GSE1: variants seen among roughly 807,000 people sequenced by gnomAD.
GSE1 encodes genetic suppressor element 1.
Under a neutral mutation model 112.6 loss-of-function variants are expected in GSE1, and 32 were observed. The ratio of observed to expected loss-of-function variants is 0.28; its 90% CI spans 0.21 to 0.38. The LOEUF is 0.38. Ranked by LOEUF, GSE1 falls within the 10% of genes least tolerant of loss-of-function variation. The probability of loss-of-function intolerance (pLI) is 1.00; values close to 1 mark genes in which losing one functional copy is unlikely to be tolerated. For synonymous variants in GSE1, 1,115 were observed against 735.6 expected, an observed-to-expected ratio of 1.52 and a Z score of -8.35; for missense variants, 2,348 against 1,699.2, an observed-to-expected ratio of 1.38 and a Z score of -6.71.
intron 2 of GSE1, among the ~76,000 whole-genome samples, chr16:85,437,018 T>A (rs2049263291): frequency 6.6e-6 from 1 of 152,046 alleles, no homozygotes; most frequent in Admixed American, 6.5e-5. Context: ...CCTACTCCCC[T>A]CCCCAGCGAC....
chr16:85,175,752 C>T (rs2074449901), intron 1 of GSE1, among the ~76,000 whole-genome samples: 2 of 152,200 alleles, frequency 1.3e-5, no homozygotes, highest in African/African-American at 4.8e-5. Flanking sequence ...TTATGGAGTG[C>T]TTCCCACCCT....
chr16:85,609,694 G>A (rs192203541), upstream of GSE1, among the ~76,000 whole-genome samples: 104 of 151,770 alleles, frequency 6.9e-4, 1 homozygote, highest in East Asian at 0.018. Context: ...TCACTCTGTC[G>A]CCCAGGCTAG....
chr16:85,659,281 C>T (rs1280009774), intron 8 of GSE1: 2 of 152,282 alleles, frequency 1.3e-5, no homozygotes, highest in Non-Finnish European at 2.9e-5. Flanking sequence ...GCTGTGGCCT[C>T]TGCCTCTTTC....
chr16:85,554,775 T>G (rs1156360641), upstream of GSE1: 573 of 424,008 alleles, frequency 1.4e-3, 2 homozygotes, highest in African/African-American at 0.048. Context: ...CTGTCAGTCG[T>G]GGGGGGGGAG....
In GSE1 at chr16:85,654,978, C is replaced by A. The variant is rs372427431; in HGVS notation, c.784C>A (p.His262Asn). ...PSYLAPHPFP[H>N]PAFRMDDSYC... ...CTACCTGGCCCCACACCCCTTCCCC[C>A]ACCCGGCCTTCAGGTGAGGCATCCC... Residue 262 changes from histidine (H) to asparagine (N), a missense_variant, in exon 5 of 16, where the codon CAC becomes AAC. Transcript: ENST00000253458. The A allele has an allele frequency of 1.1e-4, 170 of 1,593,496 alleles. No homozygotes were observed. Among genetic ancestry groups the A allele is most frequent in the Non-Finnish European group, 1.4e-4 (158 of 1,170,288 alleles).
rs116050557 is a variant in GSE1 at position 85,268,755 on chromosome 16, G to A, written c.2284-88708G>A. Among the ~76,000 whole-genome samples the A allele has an allele frequency of 4.6e-3, 699 of 152,192 alleles. 5 individuals carry two copies. Among genetic ancestry groups the A allele is most frequent in the African/African-American group, 0.016 (658 of 41,536 alleles). Reference sequence around the variant, plus strand: ...TGTCCAGACACCCTCTGCCTTCCTCGGGGGGCATTGGTTCCCTCTGTGCCC... The same window carrying A: ...TGTCCAGACACCCTCTGCCTTCCTCAGGGGGCATTGGTTCCCTCTGTGCCC... On this transcript the variant is annotated intron_variant, in intron 1 of 2. Coordinates refer to the GSE1 transcript ENST00000637419.
chr16:85,231,370 A>G (rs1309630623), intron 1 of GSE1, among the ~76,000 whole-genome samples: 3 of 149,106 alleles, frequency 2.0e-5, no homozygotes, highest in Admixed American at 6.7e-5. Flanking sequence ...GGACAGAAGG[A>G]TAGATGGATG....
Position 85,661,478 on chromosome 16 carries a change from A to C in GSE1, c.1973A>C (p.Glu658Ala). ...CAGCCACCTCCGCCGCCACCACGAGAGGGAGGGAGCCTGGAGCACCAGCCC... is the reference window on the plus strand; with the variant it reads ...CAGCCACCTCCGCCGCCACCACGAGCGGGAGGGAGCCTGGAGCACCAGCCC... ...KYQPPPPPPR[E>A]GGSLEHQPFL... is the part of the protein sequence containing the mutation. Residue 658 changes from glutamate to alanine, a missense_variant, in exon 9 of 16, where the codon GAG (glutamate) becomes GCG (alanine). Glu to Ala is a moderately radical substitution (Grantham distance 107). Coordinates refer to ENST00000253458, the MANE Select transcript of GSE1 (RefSeq NM_014615.5). 1.2e-6 allele frequency: 2 copies of C among 1,611,476 alleles called. No individual in the cohort carries two copies. The highest frequency in any genetic ancestry group is 1.7e-6 in the Non-Finnish European group (2 of 1,179,342).
At chr16:85,465,832 G>A (rs1331538116) in intron 2 of GSE1, among the ~76,000 whole-genome samples, 3 of 152,210 alleles carry the variant, frequency 2.0e-5, no homozygotes, top group South Asian at 2.1e-4. Context: ...TGTAGTAGGT[G>A]CCCAATAAAT....
At chr16:85,306,934 G>T (rs1269279736) in intron 1 of GSE1, among the ~76,000 whole-genome samples, 1 of 152,240 alleles carries the variant, frequency 6.6e-6, no homozygotes, top group East Asian at 1.9e-4. Flanking sequence ...TATGCACTGG[G>T]GCACAAGCTC....
At chr16:85,444,188 G>T (rs2049451288) in intron 2 of GSE1, among the ~76,000 whole-genome samples, 1 of 152,094 alleles carries the variant, frequency 6.6e-6, no homozygotes, top group Non-Finnish European at 1.5e-5. Context: ...CTTTCACCAT[G>T]TCGGCCAGGA....
At chr16:85,616,723 C>T (rs1454640247) in intron 1 of GSE1, among the ~76,000 whole-genome samples, 1 of 151,914 alleles carries the variant, frequency 6.6e-6, no homozygotes, top group Non-Finnish European at 1.5e-5. Flanking sequence ...ATCTCGGTGG[C>T]CTCACCGAGT....
chr16:85,492,058 G>T (rs994321357), intron 2 of GSE1, among the ~76,000 whole-genome samples: 2 of 152,200 alleles, frequency 1.3e-5, no homozygotes, highest in Non-Finnish European at 1.5e-5. Flanking sequence ...GGGCAGCCAG[G>T]CCTGGAGAGC....
At chr16:85,525,387 C>A (rs1327823760) in intron 2 of GSE1, among the ~76,000 whole-genome samples, 1 of 152,178 alleles carries the variant, frequency 6.6e-6, no homozygotes, top group Non-Finnish European at 1.5e-5. Flanking sequence ...GAGCAGCTGT[C>A]GGCGTGGCTG....
chr16:85,670,871 C>G (rs745382302), intron 14 of GSE1, 124 bp from the exon 15 acceptor site: 6 of 653,484 alleles, frequency 9.2e-6, no homozygotes, highest in Non-Finnish European at 1.7e-5. Context: ...ACAGGAGAGG[C>G]CTTCGCTGGC....
intron 2 of GSE1, among the ~76,000 whole-genome samples, chr16:85,522,462 C>T (rs2052219667): frequency 6.6e-6 from 1 of 151,990 alleles, no homozygotes; most frequent in South Asian, 2.1e-4. Flanking sequence ...CCTTCCTGCC[C>T]GCCTCATCCA....
intron 2 of GSE1, among the ~76,000 whole-genome samples, chr16:85,387,207 G>C (rs2047706739): frequency 6.6e-6 from 1 of 152,132 alleles, no homozygotes; most frequent in South Asian, 2.1e-4. Context: ...GAGGGTGGTG[G>C]GAGCCCCCTG....
intron 1 of GSE1, among the ~76,000 whole-genome samples, chr16:85,339,767 G>T (rs956463691): frequency 6.6e-6 from 1 of 152,114 alleles, no homozygotes; most frequent in African/African-American, 2.4e-5. Flanking sequence ...TTATGCCAGG[G>T]GACGGCGTCT....
chr16:85,498,652 C>T (rs1289162929), intron 2 of GSE1, among the ~76,000 whole-genome samples: 4 of 152,240 alleles, frequency 2.6e-5, no homozygotes, highest in African/African-American at 7.2e-5. Flanking sequence ...AACCTAGACA[C>T]CCCCCACACT....
Sources: allele counts gnomAD v4.1 joint callset (sites outside exome capture counted in the v4.1 genomes callset), GRCh38; gene constraint gnomAD v4.1.1; transcripts MANE v1.5; gene names NCBI Gene and HGNC (gene_info 2026-07-23, HGNC 2026-07-21).